Variants in DTNBP1 observed in about 807,000 individuals in gnomAD.
DTNBP1 encodes dystrobrevin binding protein 1.
DTNBP1 carries 35 observed loss-of-function variants against 42.8 expected under a neutral mutation model. The observed-to-expected ratio is 0.82, with a 90% CI of 0.63 to 1.09. The LOEUF is 1.09. Among genes scored for constraint, DTNBP1 ranks in the 50% least tolerant of loss-of-function variants. DTNBP1 has a pLI of 0.00. For missense variants in DTNBP1, 457 were observed against 424.2 expected, an observed-to-expected ratio of 1.08 and a Z score of -0.68; for synonymous variants, 171 against 162.2, an observed-to-expected ratio of 1.05 and a Z score of -0.41.
rs1414869112 is a variant in DTNBP1 at position 15,587,887 on chromosome 6, T to C, written c.511+5172A>G. ...AACTGCAGCCCTCACACACTGCTGA[T>C]AGGAACGTAAAATGGTACAGCCATT... On this transcript the variant is annotated intron_variant, in intron 7 of 9. Transcript: ENST00000344537. This position sits in a 1 kb window ranked among gnomAD's most constrained non-coding sequence, Gnocchi z 4.1. Among the ~76,000 whole-genome samples the C allele has an allele frequency of 2.0e-5, 3 of 152,282 alleles. No homozygotes were observed. The East Asian group carries it at 5.8e-4, about 29-fold the overall frequency.
intron 3 of DTNBP1, among the ~76,000 whole-genome samples, chr6:15,649,361 C>T (rs1760858231): frequency 6.6e-6 from 1 of 152,100 alleles, no homozygotes; most frequent in South Asian, 2.1e-4. Context: ...CATGCTGCAA[C>T]ATAAACTTTG....
At chr6:15,620,494 G>A (rs1037045777) in intron 5 of DTNBP1, among the ~76,000 whole-genome samples, 1 of 152,010 alleles carries the variant, frequency 6.6e-6, no homozygotes, top group Admixed American at 6.6e-5. Context: ...AGCCTACATT[G>A]TTTTTTGTTT....
chr6:15,551,908 G>C (rs1774233707), intron 7 of DTNBP1, among the ~76,000 whole-genome samples: 1 of 152,214 alleles, frequency 6.6e-6, no homozygotes, highest in Non-Finnish European at 1.5e-5. Flanking sequence ...ACAGCCAGCA[G>C]TCACAGCAGG....
At chr6:15,655,033 T>A (rs757149329) in intron 1 of DTNBP1, among the ~76,000 whole-genome samples, 1 of 152,230 alleles carries the variant, frequency 6.6e-6, no homozygotes, top group Non-Finnish European at 1.5e-5. Context: ...AAGGCAAACG[T>A]GGCAGTATCT....
chr6:15,638,838 CT>C (rs34034677), intron 3 of DTNBP1, among the ~76,000 whole-genome samples: 60,543 of 138,424 alleles, frequency 0.44, 12,945 homozygotes, highest in African/African-American at 0.59. Flanking sequence ...TTGGCCAGTA[CT>C]TTTTTTTTTT....
chr6:15,565,403 T>A (rs1581330583), intron 7 of DTNBP1, among the ~76,000 whole-genome samples: 1 of 152,188 alleles, frequency 6.6e-6, no homozygotes, highest in Non-Finnish European at 1.5e-5. Flanking sequence ...AGTACTTTTT[T>A]AAATAGCCCC....
At chr6:15,629,947 T>A (rs1411455412) in intron 4 of DTNBP1, among the ~76,000 whole-genome samples, 1 of 152,158 alleles carries the variant, frequency 6.6e-6, no homozygotes, top group Non-Finnish European at 1.5e-5. Context: ...TACCTATTCA[T>A]TTTATCATGT....
chr6:15,617,731 G>A (rs1758796837), intron 5 of DTNBP1, among the ~76,000 whole-genome samples: 3 of 152,028 alleles, frequency 2.0e-5, no homozygotes, highest in South Asian at 4.1e-4. Flanking sequence ...AACTCATAAT[G>A]GACTAAAGAC....
intron 7 of DTNBP1, among the ~76,000 whole-genome samples, chr6:15,561,004 C>T (rs1294093618): frequency 6.6e-6 from 1 of 152,192 alleles, no homozygotes; most frequent in African/African-American, 2.4e-5. Context: ...TCAAGCCTAT[C>T]ATGCTTTGTC....
intron 7 of DTNBP1, among the ~76,000 whole-genome samples, chr6:15,565,732 T>C (rs1349229684): frequency 6.6e-6 from 1 of 152,186 alleles, no homozygotes; most frequent in East Asian, 1.9e-4. Context: ...TTTGGGGTGA[T>C]GAAATATTCT....
At chr6:15,523,793 C>A (rs1246116794) in intron 9 of DTNBP1, 1 of 1,287,238 alleles carries the variant, frequency 7.8e-7, no homozygotes. Flanking sequence ...TGCACCCAAG[C>A]TCCTTCTCTT....
intron 7 of DTNBP1, among the ~76,000 whole-genome samples, chr6:15,548,813 A>G (rs1369804088): frequency 6.6e-6 from 1 of 152,216 alleles, no homozygotes; most frequent in Admixed American, 6.5e-5. Context: ...AAAAAACAAA[A>G]AGAAAAAAGC....
intron 9 of DTNBP1, chr6:15,523,729 G>T: frequency 7.8e-7 from 1 of 1,287,144 alleles, no homozygotes; most frequent in Non-Finnish European, 1.0e-6. Flanking sequence ...CCTGACTCTG[G>T]GTGAGGGTTC....
chr6:15,644,947 T>A (rs1028569258), intron 3 of DTNBP1, among the ~76,000 whole-genome samples: 1 of 151,306 alleles, frequency 6.6e-6, no homozygotes, highest in African/African-American at 2.4e-5. Flanking sequence ...CTAAATGAAA[T>A]TGAGACCAAA....
intron 6 of DTNBP1, among the ~76,000 whole-genome samples, chr6:15,594,994 A>T (rs1483016068): frequency 6.6e-6 from 1 of 152,120 alleles, no homozygotes; most frequent in East Asian, 1.9e-4. Context: ...GCAATTGAGG[A>T]GGGCGGTTTT....
intron 7 of DTNBP1, among the ~76,000 whole-genome samples, chr6:15,564,733 T>C (rs1041068448): frequency 1.3e-5 from 2 of 152,138 alleles, no homozygotes; most frequent in East Asian, 3.9e-4. Context: ...AATATTTTAA[T>C]AGTCATTTTA....
chr6:15,625,445 G>A (rs1424769121), intron 5 of DTNBP1, among the ~76,000 whole-genome samples: 2 of 152,188 alleles, frequency 1.3e-5, no homozygotes, highest in Non-Finnish European at 2.9e-5. Flanking sequence ...TACTAAAAAA[G>A]AGAGGATTCA....
At chr6:15,607,011 T>A (rs1245377639) in intron 6 of DTNBP1, among the ~76,000 whole-genome samples, 6 of 70,808 alleles carry the variant, frequency 8.5e-5, no homozygotes, top group African/African-American at 4.2e-4. Flanking sequence ...CAAAAAAAAA[T>A]TTTTTTTTTT....
intron 7 of DTNBP1, among the ~76,000 whole-genome samples, chr6:15,562,865 C>T (rs1774907141): frequency 6.6e-6 from 1 of 152,216 alleles, no homozygotes; most frequent in African/African-American, 2.4e-5. Flanking sequence ...CAGCCTCCTA[C>T]CTGGTCACTC....
Sources: allele counts gnomAD v4.1 joint callset (sites outside exome capture counted in the v4.1 genomes callset), GRCh38; gene constraint gnomAD v4.1.1; non-coding constraint Gnocchi (gnomAD v3.1); transcripts MANE v1.5; gene names NCBI Gene and HGNC (gene_info 2026-07-23, HGNC 2026-07-21).